The following SRGAP2C variants were observed in gnomAD, a reference collection of about 807,000 sequenced individuals.
The protein encoded by SRGAP2C is SLIT-ROBO Rho GTPase activating protein 2C.
A neutral mutation model predicts 25.1 loss-of-function variants in SRGAP2C; 15 were observed. The observed-to-expected ratio is 0.60, with a 90% CI of 0.40 to 0.92. The LOEUF (loss-of-function observed/expected upper bound fraction) is 0.92. SRGAP2C is among the 40% of genes least tolerant of loss of function. The pLI, the probability that SRGAP2C is intolerant of heterozygous loss-of-function variation, is 0.00. For synonymous variants in SRGAP2C, 44 were observed against 96.6 expected, an observed-to-expected ratio of 0.46 and a Z score of 3.19; for missense variants, 144 against 264.4, an observed-to-expected ratio of 0.54 and a Z score of 3.16.
At chr1:121,372,926 C>G (rs1245127103) in intron 5 of SRGAP2C, among the ~76,000 whole-genome samples, 1 of 94,482 alleles carries the variant, frequency 1.1e-5, no homozygotes, top group Non-Finnish European at 2.2e-5. Context: ...CACCCAACTT[C>G]TACTCTCTAA....
At chr1:121,302,284 C>T (rs1331065412) in intron 3 of SRGAP2C, among the ~76,000 whole-genome samples, 3 of 151,912 alleles carry the variant, frequency 2.0e-5, no homozygotes, top group African/African-American at 7.3e-5. Context: ...GAAATGATTT[C>T]ATTTTTCTCC....
intron 3 of SRGAP2C, among the ~76,000 whole-genome samples, chr1:121,301,223 G>GA (rs1460596097): frequency 9.6e-6 from 1 of 103,882 alleles, no homozygotes; most frequent in Non-Finnish European, 2.0e-5. Flanking sequence ...AGCCATAATA[G>GA]AAAAAATATA....
chr1:121,284,863 T>A lies in SRGAP2C; in HGVS notation c.128T>A (p.Val43Glu). ...CTGGACCAGCAGTGTGAGCTTCGGG[T>A]GCAACTGTTGCAGGACCTCCAGGAC... is the stretch of plus-strand genomic sequence containing the variant. ...KCLDQQCELRVQLLQDLQDFF... is the reference protein window; with the variant it reads ...KCLDQQCELREQLLQDLQDFF... Residue 43 changes from valine to glutamate, a missense_variant, in exon 3 of 10, where the codon GTG (valine) becomes GAG (glutamate). Val to Glu is a moderately radical substitution (Grantham distance 121, BLOSUM62 -2). Around this residue, in one of 5 missense-constraint regions of SRGAP2C, gnomAD observed 17 missense variants for 40.3 expected, o/e 0.42. Coordinates refer to ENST00000367123, the MANE Select transcript of SRGAP2C (RefSeq NM_001329984.2). 1 of 1,127,702 alleles carries A rather than the reference T, an allele frequency of 8.9e-7. No homozygotes were observed. Among genetic ancestry groups the A allele is most frequent in the Non-Finnish European group, 1.3e-6 (1 of 779,418 alleles). The allele number at this position is 1,127,702 out of a possible 1,614,324, so 69.9% of individuals were successfully genotyped here.
intron 3 of SRGAP2C, among the ~76,000 whole-genome samples, chr1:121,303,560 G>A (rs1657746705): frequency 1.3e-5 from 2 of 150,308 alleles, no homozygotes; most frequent in Admixed American, 1.3e-4. Context: ...GTGGGAAATG[G>A]TATTTAGAAG....
In SRGAP2C at chr1:121,295,072, G is replaced by A. The variant is rs1398328753; in HGVS notation, c.260+10077G>A. On this transcript the variant is annotated intron_variant, in intron 3 of 9. Transcript: ENST00000367123. ...AAACTTCAGTAAGGAAATGAGATTT[G>A]AACAAAGCTTTAAAGAAAATGGCTC... is the stretch of plus-strand genomic sequence containing the variant. Among the ~76,000 whole-genome samples, 108 of 91,332 alleles carry A rather than the reference G, an allele frequency of 1.2e-3. 12 individuals are homozygous for A. Among genetic ancestry groups the A allele is most frequent in the Non-Finnish European group, 2.1e-3 (89 of 43,402 alleles). 59.9% of individuals were successfully genotyped at this position (91,332 alleles called of 152,430 possible).
intron 2 of SRGAP2C, among the ~76,000 whole-genome samples, chr1:121,188,395 T>A (rs1654581261): frequency 1.3e-5 from 2 of 151,802 alleles, no homozygotes; most frequent in African/African-American, 4.8e-5. Flanking sequence ...ATAGCGTTTT[T>A]TAAACCAGCA....
At chr1:121,303,382 C>A (rs1657742732) in intron 3 of SRGAP2C, among the ~76,000 whole-genome samples, 1 of 149,160 alleles carries the variant, frequency 6.7e-6, no homozygotes, top group African/African-American at 2.5e-5. Context: ...CTATATTTGG[C>A]CAATGGAGTC....
intron 2 of SRGAP2C, among the ~76,000 whole-genome samples, chr1:121,270,232 T>G (rs1198360651): frequency 6.6e-6 from 1 of 151,470 alleles, no homozygotes; most frequent in Non-Finnish European, 1.5e-5. Context: ...CTCCTAATAT[T>G]CTTGGATCAC....
intron 2 of SRGAP2C, among the ~76,000 whole-genome samples, chr1:121,284,177 C>T (rs1237992561): frequency 0.62 from 93,639 of 151,530 alleles, 29,590 homozygotes; most frequent in East Asian, 0.8. Context: ...AGTTCTTGTG[C>T]TTCTTTTGTT....
intron 3 of SRGAP2C, among the ~76,000 whole-genome samples, chr1:121,295,302 A>C (rs2101579526): frequency 6.6e-6 from 1 of 151,592 alleles, no homozygotes; most frequent in East Asian, 2.0e-4. Flanking sequence ...ACTGGAAACC[A>C]CTGATGGTTT....
At chr1:121,335,935 T>C (rs1350351110) in intron 4 of SRGAP2C, among the ~76,000 whole-genome samples, 1 of 152,062 alleles carries the variant, frequency 6.6e-6, no homozygotes, top group African/African-American at 2.4e-5. Context: ...AGTTTTATTC[T>C]AGGAGGCTAT....
intron 2 of SRGAP2C, among the ~76,000 whole-genome samples, chr1:121,202,675 C>G (rs1272866393): frequency 6.6e-6 from 1 of 151,920 alleles, no homozygotes; most frequent in Non-Finnish European, 1.5e-5. Context: ...GATCCGCCTG[C>G]CTCAGCCTCC....
rs1553346973 is a variant in SRGAP2C at position 121,354,251 on chromosome 1, CTT to C, written c.424-11040_424-11039del. Reference sequence around the variant, plus strand: ...TCAGGCCAGGTAGATTCCTTTCTTTCTTTCTCTCTCCTTTCTTTCTTTCTTTC... The same window carrying C: ...TCAGGCCAGGTAGATTCCTTTCTTTCTCTCTCTCCTTTCTTTCTTTCTTTC... On this transcript the variant is annotated intron_variant, in intron 4 of 9. Transcript: ENST00000367123. 8.4e-5 allele frequency among the ~76,000 whole-genome samples: 5 copies of C among 59,412 alleles called. 1 individual carries two copies. Among genetic ancestry groups the C allele is most frequent in the African/African-American group, 1.5e-4 (2 of 13,092 alleles). 39.0% of individuals were successfully genotyped at this position (59,412 alleles called of 152,430 possible). A position where few individuals can be genotyped will look rare whatever the true frequency, so the allele number is the denominator to read the frequency against.
chr1:121,374,410 C>G (rs1659582628), intron 6 of SRGAP2C, among the ~76,000 whole-genome samples: 1 of 151,850 alleles, frequency 6.6e-6, no homozygotes, highest in Non-Finnish European at 1.5e-5. Flanking sequence ...AGCAGAAAAC[C>G]AAGAAACAGC....
At chr1:121,366,769 T>C (rs1659333001) in intron 5 of SRGAP2C, among the ~76,000 whole-genome samples, 4 of 151,668 alleles carry the variant, frequency 2.6e-5, no homozygotes, top group Non-Finnish European at 4.4e-5. Context: ...TATTTTCCTG[T>C]AAGCATCTTG....
chr1:121,225,789 C>G (rs1363600701), intron 2 of SRGAP2C, among the ~76,000 whole-genome samples: 1 of 147,050 alleles, frequency 6.8e-6, no homozygotes, highest in Non-Finnish European at 1.5e-5. Context: ...ACTGCAACCT[C>G]TGCCTCCCAG....
Position 121,365,073 on chromosome 1 carries a change from C to T in SRGAP2C, c.424-220C>T, listed in dbSNP as rs587712534. ...CCAAAGGCTACCACCCTTTTTCCCT[C>T]TACGCAATTGCCTTTGCTAGGCACA... On this transcript the variant is annotated intron_variant, in intron 4 of 9. Coordinates refer to ENST00000367123, the MANE Select transcript of SRGAP2C (RefSeq NM_001329984.2). Among the ~76,000 whole-genome samples, 10 of 84,254 alleles carry T rather than the reference C, an allele frequency of 1.2e-4. 3 individuals are homozygous for T. The highest frequency in any genetic ancestry group is 1.1e-3 in the Admixed American group (8 of 7,568). The allele number at this position is 84,254 out of a possible 152,430, so 55.3% of individuals were successfully genotyped here.
At chr1:121,341,426 TG>T (rs1434605564) in intron 4 of SRGAP2C, among the ~76,000 whole-genome samples, 2 of 121,652 alleles carry the variant, frequency 1.6e-5, no homozygotes, top group African/African-American at 6.3e-5. Flanking sequence ...GATGATAAAA[TG>T]AAACAGGGCA....
chr1:121,375,691 A>G (rs1255382021), intron 7 of SRGAP2C, among the ~76,000 whole-genome samples: 76 of 151,144 alleles, frequency 5.0e-4, no homozygotes, highest in Non-Finnish European at 7.4e-4. Flanking sequence ...AGTGGCAAGA[A>G]CTTAACTAAA....
Sources: allele counts gnomAD v4.1 joint callset (sites outside exome capture counted in the v4.1 genomes callset), GRCh38; gene constraint gnomAD v4.1.1; regional missense constraint gnomAD v4.1.1; transcripts MANE v1.5; gene names NCBI Gene and HGNC (gene_info 2026-07-23, HGNC 2026-07-21).